The following GREB1 variants were observed in gnomAD, a reference collection of about 807,000 sequenced individuals.
The protein encoded by GREB1 is growth regulating estrogen receptor binding 1, also known as protein GREB1.
Under a neutral mutation model 200.7 loss-of-function variants are expected in GREB1, and 106 were observed. The ratio of observed to expected loss-of-function variants is 0.53; its 90% CI spans 0.45 to 0.62. GREB1 has a LOEUF of 0.62. Among genes scored for constraint, GREB1 ranks in the 20% least tolerant of loss-of-function variants. The probability of loss-of-function intolerance (pLI) is 0.00; values close to 1 mark genes in which losing one functional copy is unlikely to be tolerated. For missense variants in GREB1, 2,243 were observed against 2,556.8 expected, an observed-to-expected ratio of 0.88 and a Z score of 2.65; for synonymous variants, 1,132 against 1,092.4, an observed-to-expected ratio of 1.04 and a Z score of -0.72.
chr2:11,564,330 G>GAGGT (rs11474076), intron 3 of GREB1, among the ~76,000 whole-genome samples: 11,020 of 152,086 alleles, frequency 0.072, 991 homozygotes, highest in African/African-American at 0.21. Context: ...GGCTCTTAGT[G>GAGGT]AGGTAGGACT....
intron 1 of GREB1, among the ~76,000 whole-genome samples, chr2:11,527,587 C>T (rs1572594728): frequency 6.6e-6 from 1 of 152,212 alleles, no homozygotes; most frequent in African/African-American, 2.4e-5. Flanking sequence ...GACAACCCAT[C>T]CCCTGGACAG....
rs1188458177 is a variant in GREB1 at position 11,592,879 on chromosome 2, G to A, written c.1449G>A (p.Pro483=). Residue 483 remains proline (P), a synonymous_variant, in exon 11 of 33, where the codon CCG becomes CCA. Coordinates refer to ENST00000381486, the MANE Select transcript of GREB1 (RefSeq NM_014668.4). The part of the protein sequence containing the change: ...TEIRQYQQAP[P]QPFPPAPSAA... The stretch of plus-strand genomic sequence containing the variant: ...TCCGGCAGTACCAGCAGGCGCCGCC[G>A]CAGCCCTTCCCGCCCGCGCCCAGCG... The A allele has an allele frequency of 6.3e-7, 1 of 1,599,782 alleles. No individual in the cohort carries two copies. The highest frequency in any genetic ancestry group is 8.5e-7 in the Non-Finnish European group (1 of 1,174,706).
intron 1 of GREB1, among the ~76,000 whole-genome samples, chr2:11,553,050 G>T (rs927941532): frequency 2.7e-5 from 4 of 150,452 alleles, no homozygotes; most frequent in Non-Finnish European, 4.4e-5. Flanking sequence ...GAATACTGTT[G>T]CAATGCCTCC....
chr2:11,603,196 T>C (rs1681941579), intron 17 of GREB1, among the ~76,000 whole-genome samples: 1 of 152,210 alleles, frequency 6.6e-6, no homozygotes, highest in Non-Finnish European at 1.5e-5. Context: ...GCTAAGTGAT[T>C]GCCAGGGACC....
At chr2:11,547,969 C>G (rs193284368) in intron 1 of GREB1, among the ~76,000 whole-genome samples, 1 of 152,066 alleles carries the variant, frequency 6.6e-6, no homozygotes, top group Non-Finnish European at 1.5e-5. Context: ...ATTTCTTGAG[C>G]CGAGGAGTTT....
intron 1 of GREB1, among the ~76,000 whole-genome samples, chr2:11,509,665 A>G (rs1673296856): frequency 6.6e-6 from 1 of 152,188 alleles, no homozygotes. Flanking sequence ...GGGTTAGATC[A>G]TGAAGGCTCT....
At chr2:11,553,009 CAAAA>C (rs370234359) in intron 1 of GREB1, among the ~76,000 whole-genome samples, 3 of 80,898 alleles carry the variant, frequency 3.7e-5, no homozygotes, top group Non-Finnish European at 5.6e-5. Flanking sequence ...AACTCCGTCT[CAAAA>C]AAAAAAAAAA....
intron 17 of GREB1, among the ~76,000 whole-genome samples, chr2:11,607,501 TATACATATATGTAC>T (rs1682445072): frequency 7.0e-6 from 1 of 142,302 alleles, no homozygotes; most frequent in Admixed American, 7.1e-5. Context: ...TACACATATA[TATACATATATGTAC>T]ATACATATAT....
At chr2:11,514,921 G>T (rs553772074) in intron 1 of GREB1, among the ~76,000 whole-genome samples, 12 of 152,060 alleles carry the variant, frequency 7.9e-5, no homozygotes, top group African/African-American at 2.9e-4. Context: ...GAATCCATCC[G>T]TCCACACATG....
chr2:11,575,183 A>T, intron 4 of GREB1, among the ~76,000 whole-genome samples: 1 of 152,244 alleles, frequency 6.6e-6, no homozygotes, highest in Non-Finnish European at 1.5e-5. Flanking sequence ...ACCTTTGTAG[A>T]CTTATCAAAT....
At chr2:11,578,251 TGGA>T (rs1352108959) in intron 5 of GREB1, 43 bp from the exon 6 acceptor site, 7 of 1,587,476 alleles carry the variant, frequency 4.4e-6, no homozygotes, top group Non-Finnish European at 6.0e-6. Flanking sequence ...TCGTAGTTGT[TGGA>T]GAAGAGCGAG....
chr2:11,491,603 T>C lies in GREB1; in HGVS notation c.-159+9222T>C, dbSNP rs77683923. ...TTGGAAGAGCTATTCCACCTTCTTA[T>C]ACCTCCATTTAATCATCTGATAATG... On this transcript the variant is annotated intron_variant, in intron 1 of 2. Coordinates refer to the GREB1 transcript ENST00000628795. Among the ~76,000 whole-genome samples, 1,268 of 152,352 alleles carry C rather than the reference T, an allele frequency of 8.3e-3. 19 individuals carry two copies. The highest frequency in any genetic ancestry group is 0.029 in the African/African-American group (1,223 of 41,580).
chr2:11,593,108 TC>T lies in GREB1; in HGVS notation c.1680del (p.Cys561AlafsTer36). 2.5e-6 allele frequency: 4 copies of T among 1,605,160 alleles called. No homozygotes were observed. On this transcript the variant is annotated frameshift_variant, in exon 11 of 33. Transcript: ENST00000381486. LOFTEE classifies it high-confidence loss of function. ...ICACRSAAID[S>X]CIAVTGKYQA... Reference sequence around the variant, plus strand: ...CGCCTGCCGCAGCGCGGCCATCGACTCCTGCATCGCCGTCACCGGTGAGCTC... The same window carrying T: ...CGCCTGCCGCAGCGCGGCCATCGACTCTGCATCGCCGTCACCGGTGAGCTC...
At chr2:11,622,690 G>A (rs565024260) in intron 23 of GREB1, among the ~76,000 whole-genome samples, 1 of 152,326 alleles carries the variant, frequency 6.6e-6, no homozygotes, top group South Asian at 2.1e-4. Context: ...GACAGGAGCT[G>A]AGCCATACTG....
intron 4 of GREB1, among the ~76,000 whole-genome samples, chr2:11,572,764 C>T (rs139475771): frequency 1.1e-4 from 17 of 151,796 alleles, no homozygotes; most frequent in African/African-American, 3.6e-4. Context: ...GCACTTAACC[C>T]GCATAGTGCT....
rs1677690973 is a variant in GREB1 at position 11,566,591 on chromosome 2, A to G, written c.389A>G (p.His130Arg). ...VGVKSPSLPDHLLVCAVDKRF... is the reference protein window; with the variant it reads ...VGVKSPSLPDRLLVCAVDKRF... ...GTCAAGTCCCCCAGCCTGCCGGACCATCTCCTGGTGTGCGCCGTTGACAAG... is the reference window on the plus strand; with the variant it reads ...GTCAAGTCCCCCAGCCTGCCGGACCGTCTCCTGGTGTGCGCCGTTGACAAG... Residue 130 changes from histidine (H) to arginine (R), a missense_variant, in exon 4 of 33, where the codon CAT becomes CGT. His to Arg is a conservative substitution (Grantham distance 29). Coordinates refer to ENST00000381486, the MANE Select transcript of GREB1 (RefSeq NM_014668.4). 4.3e-6 allele frequency: 7 copies of G among 1,614,084 alleles called. No individual in the cohort carries two copies. Among genetic ancestry groups the G allele is most frequent in the Non-Finnish European group, 5.9e-6 (7 of 1,180,008 alleles).
chr2:11,556,545 T>G lies in GREB1; in HGVS notation c.-70T>G, dbSNP rs1676450343. ...CCTTGCAGCTGTTTCACCTTCTACC[T>G]TGCGTGGAGCCAGGCTTTTGCACCG... On this transcript the variant is annotated 5_prime_UTR_variant, in exon 2 of 33. Transcript: ENST00000381486. 1 of 1,316,082 alleles carries G rather than the reference T, an allele frequency of 7.6e-7. No individual in the cohort carries two copies. The highest frequency in any genetic ancestry group is 1.4e-5 in the South Asian group (1 of 69,578). 81.5% of individuals were successfully genotyped at this position (1,316,082 alleles called of 1,614,324 possible).
chr2:11,616,826 A>G (rs1683448487), intron 21 of GREB1, 106 bp downstream of exon 21: 1 of 723,590 alleles, frequency 1.4e-6, no homozygotes, highest in African/African-American at 1.8e-5. Context: ...TTTATTTTCC[A>G]TCAGAACTGG....
intron 1 of GREB1, among the ~76,000 whole-genome samples, chr2:11,500,673 G>T (rs1265026151): frequency 6.6e-6 from 1 of 152,218 alleles, no homozygotes; most frequent in Non-Finnish European, 1.5e-5. Flanking sequence ...TACAGGAAAG[G>T]CTTAAATGTA....
Sources: allele counts gnomAD v4.1 joint callset (sites outside exome capture counted in the v4.1 genomes callset), GRCh38; gene constraint gnomAD v4.1.1; transcripts MANE v1.5; gene names NCBI Gene and HGNC (gene_info 2026-07-23, HGNC 2026-07-21).